Variants in PMEPA1 observed in about 807,000 individuals in gnomAD.
The protein encoded by PMEPA1 is prostate transmembrane protein, androgen induced 1, also known as protein TMEPAI.
In PMEPA1, 11 loss-of-function variants were observed where a neutral mutation model predicts 23.0. That is an observed-to-expected ratio of 0.48 (90% CI 0.30 to 0.79). The LOEUF (loss-of-function observed/expected upper bound fraction) is 0.79. PMEPA1 is among the 30% of genes least tolerant of loss of function. The pLI is 0.06. For synonymous variants in PMEPA1, 204 were observed against 166.4 expected (o/e 1.23, Z -1.74); for missense variants, 377 against 390.9 (o/e 0.96, Z 0.30).
At position 57,704,891 on chromosome 20, in the gene PMEPA1, G is replaced by A. The variant is rs2072056932; in HGVS notation, c.109+4583C>T. Among the ~76,000 whole-genome samples, 1 of 152,134 alleles carries A rather than the reference G, an allele frequency of 6.6e-6. No homozygotes were observed. The highest frequency in any genetic ancestry group is 1.5e-5 in the Non-Finnish European group (1 of 68,010). On this transcript the variant is annotated intron_variant, in intron 1 of 3. Coordinates refer to ENST00000341744, the MANE Select transcript of PMEPA1 (RefSeq NM_020182.5). The surrounding 1 kb of genome is among the most constrained non-coding windows in gnomAD (Gnocchi z 4.6). Reference sequence around the variant, plus strand: ...TGAGGGAGGCAACTCTGCTGTAGACGCTTCCAGCCTCCACAGACCTCCCGA... The same window carrying A: ...TGAGGGAGGCAACTCTGCTGTAGACACTTCCAGCCTCCACAGACCTCCCGA...
chr20:57,675,634 G>A (rs2071626710), intron 1 of PMEPA1, among the ~76,000 whole-genome samples: 1 of 152,228 alleles, frequency 6.6e-6, no homozygotes, highest in South Asian at 2.1e-4. Context: ...GTCGGCCCCT[G>A]AATGGATTGC....
At chr20:57,673,192 C>T (rs2071592714) in intron 1 of PMEPA1, among the ~76,000 whole-genome samples, 1 of 152,094 alleles carries the variant, frequency 6.6e-6, no homozygotes, top group African/African-American at 2.4e-5. Flanking sequence ...TGGGGCCACA[C>T]CTTTGCCCGG....
At chr20:57,706,009 G>C (rs1346625614) in intron 1 of PMEPA1, among the ~76,000 whole-genome samples, 1 of 152,202 alleles carries the variant, frequency 6.6e-6, no homozygotes, top group Non-Finnish European at 1.5e-5. Flanking sequence ...GGGAAACCTG[G>C]GTGTCCTGTG....
At chr20:57,687,206 T>C (rs1181936221) in intron 1 of PMEPA1, among the ~76,000 whole-genome samples, 1 of 152,236 alleles carries the variant, frequency 6.6e-6, no homozygotes, top group Non-Finnish European at 1.5e-5. Flanking sequence ...ATGTTCTTTT[T>C]CCGTTAAGGG....
intron 1 of PMEPA1, among the ~76,000 whole-genome samples, chr20:57,667,617 A>G (rs2071512631): frequency 6.6e-6 from 1 of 152,214 alleles, no homozygotes; most frequent in East Asian, 1.9e-4. Context: ...GTTAACAAGC[A>G]GCCAGTGCAT....
chr20:57,665,991 T>C (rs2071487222), intron 1 of PMEPA1, among the ~76,000 whole-genome samples: 1 of 152,068 alleles, frequency 6.6e-6, no homozygotes, highest in South Asian at 2.1e-4. Flanking sequence ...ATTCTGGGCA[T>C]CAAGGCTGTG....
chr20:57,707,321 G>A (rs546584813), intron 1 of PMEPA1, among the ~76,000 whole-genome samples: 4 of 152,236 alleles, frequency 2.6e-5, no homozygotes, highest in East Asian at 1.9e-4. Flanking sequence ...CTAGTCTCTC[G>A]GGGAAATCTG....
intron 1 of PMEPA1, among the ~76,000 whole-genome samples, chr20:57,663,691 A>T (rs1291627735): frequency 6.6e-6 from 1 of 152,186 alleles, no homozygotes; most frequent in East Asian, 1.9e-4. Context: ...GGCAGAGTGG[A>T]GCACAGGCAG....
chr20:57,669,859 T>C (rs2071543466), intron 1 of PMEPA1, among the ~76,000 whole-genome samples: 1 of 149,836 alleles, frequency 6.7e-6, no homozygotes, highest in South Asian at 2.1e-4. Context: ...CATATAATTA[T>C]ATTTATAGTA....
intron 1 of PMEPA1, chr20:57,691,814 C>G (rs1338100940): frequency 6.6e-6 from 1 of 152,252 alleles, no homozygotes; most frequent in Admixed American, 6.5e-5. Context: ...CACTGGTGCC[C>G]GCAGCCCTCG....
chr20:57,660,423 CA>C (rs201069118), intron 1 of PMEPA1, among the ~76,000 whole-genome samples: 3,639 of 150,422 alleles, frequency 0.024, 154 homozygotes, highest in African/African-American at 0.086. Flanking sequence ...CACTCCTACA[CA>C]AATAACACCC....
chr20:57,666,787 G>A (rs951041359), intron 1 of PMEPA1, among the ~76,000 whole-genome samples: 2 of 152,162 alleles, frequency 1.3e-5, no homozygotes, highest in African/African-American at 4.8e-5. Flanking sequence ...TAACACAGAC[G>A]CTGACAGCTG....
chr20:57,709,212 T>G (rs1030266567), intron 1 of PMEPA1, among the ~76,000 whole-genome samples: 5 of 150,888 alleles, frequency 3.3e-5, no homozygotes, highest in South Asian at 4.1e-4. Context: ...GCGCCGCCGC[T>G]GAGCCCCGGG....
At chr20:57,663,051 GAGAAAAACGCTCCC>G (rs2146652796) in intron 1 of PMEPA1, among the ~76,000 whole-genome samples, 1 of 152,352 alleles carries the variant, frequency 6.6e-6, no homozygotes, top group South Asian at 2.1e-4. Flanking sequence ...TCCACAGAGT[GAGAAAAACGCTCCC>G]AGAAATGAGC....
rs1268072513 is a variant in PMEPA1 at position 57,655,416 on chromosome 20, C to G, written c.265-2330G>C. On this transcript the variant is annotated intron_variant, in intron 2 of 3. Coordinates refer to ENST00000341744, the MANE Select transcript of PMEPA1 (RefSeq NM_020182.5). This position sits in a 1 kb window ranked among gnomAD's most constrained non-coding sequence, Gnocchi z 4.2. ...AGGGGTCTCACTCGCCCTGCAGGAGCTGCTACCGTTTCCCCAGTGCCAGGC... is the reference window on the plus strand; with the variant it reads ...AGGGGTCTCACTCGCCCTGCAGGAGGTGCTACCGTTTCCCCAGTGCCAGGC... 6.6e-6 allele frequency among the ~76,000 whole-genome samples: 1 copy of G among 152,226 alleles called. No homozygotes were observed. The highest frequency in any genetic ancestry group is 1.5e-5 in the Non-Finnish European group (1 of 68,046).
At chr20:57,680,132 A>G (rs1319693979) in intron 1 of PMEPA1, among the ~76,000 whole-genome samples, 4 of 152,264 alleles carry the variant, frequency 2.6e-5, no homozygotes, top group Admixed American at 2.6e-4. Context: ...GGTAAAAACG[A>G]CTTCTGCCCG....
At chr20:57,692,193 G>A (rs1233942956) in intron 1 of PMEPA1, among the ~76,000 whole-genome samples, 1 of 152,218 alleles carries the variant, frequency 6.6e-6, no homozygotes, top group East Asian at 1.9e-4. Context: ...TGCCCCCTGT[G>A]TAGTGGGTGC....
At chr20:57,681,843 C>G (rs570193059) in intron 1 of PMEPA1, among the ~76,000 whole-genome samples, 2 of 152,194 alleles carry the variant, frequency 1.3e-5, no homozygotes, top group African/African-American at 4.8e-5. Context: ...CTCACCCTCT[C>G]GGCTTCTCCT....
At chr20:57,658,913 G>A (rs758974161) in intron 2 of PMEPA1, among the ~76,000 whole-genome samples, 2 of 152,124 alleles carry the variant, frequency 1.3e-5, no homozygotes, top group Non-Finnish European at 1.5e-5. Flanking sequence ...CCGGCCCCTC[G>A]TCTCCACCAT....
Sources: allele counts gnomAD v4.1 joint callset (sites outside exome capture counted in the v4.1 genomes callset), GRCh38; gene constraint gnomAD v4.1.1; non-coding constraint Gnocchi (gnomAD v3.1); transcripts MANE v1.5; gene names NCBI Gene and HGNC (gene_info 2026-07-23, HGNC 2026-07-21).